Variants in KLB observed in about 807,000 individuals in gnomAD.
The protein encoded by KLB is klotho beta, also known as beta-klotho.
In KLB, 44 loss-of-function variants were observed where a neutral mutation model predicts 88.4. The ratio of observed to expected loss-of-function variants is 0.50; its 90% CI spans 0.39 to 0.64. The LOEUF (loss-of-function observed/expected upper bound fraction) is 0.64, where lower values mean the gene tolerates loss of function less well. Ranked by LOEUF, KLB falls within the 30% of genes least tolerant of loss-of-function variation. The probability of loss-of-function intolerance (pLI) is 0.00; values close to 1 mark genes in which losing one functional copy is unlikely to be tolerated. For missense variants in KLB, 1,137 were observed against 1,304.8 expected, an observed-to-expected ratio of 0.87 and a Z score of 1.98; for synonymous variants, 548 against 513.4, an observed-to-expected ratio of 1.07 and a Z score of -0.91.
chr4:39,417,344 C>T (rs1008754359), intron 1 of KLB, among the ~76,000 whole-genome samples: 2 of 152,030 alleles, frequency 1.3e-5, no homozygotes, highest in African/African-American at 2.4e-5. Flanking sequence ...GACGGAGTTT[C>T]GCTCTTGTTG....
intron 1 of KLB, among the ~76,000 whole-genome samples, chr4:39,413,890 T>C (rs1248121951): frequency 6.6e-6 from 1 of 152,186 alleles, no homozygotes; most frequent in Admixed American, 6.5e-5. Flanking sequence ...GTTTACATAG[T>C]ACAAAGATTT....
At chr4:39,443,249 A>G (rs1743652747) in intron 3 of KLB, among the ~76,000 whole-genome samples, 1 of 151,996 alleles carries the variant, frequency 6.6e-6, no homozygotes, top group African/African-American at 2.4e-5. Context: ...GTGGCTAGGC[A>G]CACTTGTTCA....
chr4:39,426,997 T>C (rs2109830085), intron 1 of KLB, among the ~76,000 whole-genome samples: 1 of 152,228 alleles, frequency 6.6e-6, no homozygotes, highest in Non-Finnish European at 1.5e-5. Flanking sequence ...TAAATATTTG[T>C]AGACTGCAGC....
intron 2 of KLB, among the ~76,000 whole-genome samples, chr4:39,435,506 A>G (rs535521480): frequency 6.7e-6 from 1 of 149,720 alleles, no homozygotes; most frequent in Admixed American, 6.7e-5. Context: ...GCTCACTGCA[A>G]CCTCCACCTC....
At position 39,447,423 on chromosome 4, in the gene KLB, T is replaced by A; in HGVS notation, c.2697T>A (p.Asp899Glu). 1 of 1,611,560 alleles carries A rather than the reference T, an allele frequency of 6.2e-7. No individual in the cohort carries two copies. Among genetic ancestry groups the A allele is most frequent in the Non-Finnish European group, 8.5e-7 (1 of 1,178,846 alleles). ...ASGIDDQALE[D>E]DRLRKYYLGK... Reference sequence around the variant, plus strand: ...GCATCGACGACCAGGCTCTGGAGGATGACCGGCTCCGGAAGTACTACCTAG... The same window carrying A: ...GCATCGACGACCAGGCTCTGGAGGAAGACCGGCTCCGGAAGTACTACCTAG... The change falls in exon 4 of 5, where the codon GAT becomes GAA. Residue 899 changes from aspartate (D) to glutamate (E), a missense_variant. By Grantham distance (45) the Asp-to-Glu change is conservative. Transcript: ENST00000257408.
intron 1 of KLB, among the ~76,000 whole-genome samples, chr4:39,409,573 G>A (rs974344697): frequency 6.6e-6 from 1 of 151,450 alleles, no homozygotes; most frequent in African/African-American, 2.4e-5. Context: ...ACAGGTGTGA[G>A]CCACTGCGCT....
chr4:39,431,064 G>A (rs549284992), intron 1 of KLB, among the ~76,000 whole-genome samples: 8 of 149,312 alleles, frequency 5.4e-5, no homozygotes, highest in South Asian at 4.3e-4. Flanking sequence ...CTACAGGCAC[G>A]TATCACCATG....
intron 1 of KLB, 93 bp from the exon 2 acceptor site, chr4:39,434,117 C>A: frequency 8.4e-7 from 1 of 1,197,576 alleles, no homozygotes; most frequent in Non-Finnish European, 1.2e-6. Flanking sequence ...CTGTACGCTG[C>A]ATTAATTTTA....
At chr4:39,435,516 C>G (rs1459524659) in intron 2 of KLB, among the ~76,000 whole-genome samples, 1 of 151,954 alleles carries the variant, frequency 6.6e-6, no homozygotes, top group African/African-American at 2.4e-5. Flanking sequence ...ACCTCCACCT[C>G]CCAGGTTCAA....
At chr4:39,441,788 A>AAAT (rs1013054737) in intron 3 of KLB, 1 of 151,256 alleles carries the variant, frequency 6.6e-6, no homozygotes, top group African/African-American at 2.4e-5. Flanking sequence ...ATAAATAAAT[A>AAAT]AATAAATAAA....
chr4:39,425,539 C>T (rs1430676534), intron 1 of KLB, among the ~76,000 whole-genome samples: 4 of 152,172 alleles, frequency 2.6e-5, no homozygotes, highest in Non-Finnish European at 4.4e-5. Context: ...CTGCTGGACT[C>T]AAGTGATCCT....
chr4:39,407,752 C>A lies in KLB; in HGVS notation c.803C>A (p.Thr268Asn), dbSNP rs762924599. The A allele has an allele frequency of 6.3e-7, 1 of 1,595,546 alleles. No homozygotes were observed. The highest frequency in any genetic ancestry group is 8.6e-7 in the Non-Finnish European group (1 of 1,165,924). ...AAGGGAAATTTAGCAGCTGTCTACA[C>A]TGTGGGACACAACTTGATCAAGGTA... The part of the protein sequence containing the change: ...GEKGNLAAVY[T>N]VGHNLIKAHS... Residue 268 changes from threonine to asparagine, a missense_variant, in exon 1 of 5, where the codon ACT becomes AAT. By Grantham distance (65) the Thr-to-Asn change is moderately conservative. Coordinates refer to ENST00000257408, the MANE Select transcript of KLB (RefSeq NM_175737.4).
intron 3 of KLB, among the ~76,000 whole-genome samples, chr4:39,445,504 CTTT>C (rs10634518): frequency 1.5e-5 from 2 of 131,710 alleles, no homozygotes; most frequent in African/African-American, 2.8e-5. Context: ...CTTTTCTTTT[CTTT>C]TTTTTTTTTT....
In KLB at chr4:39,447,359, G is replaced by A. The variant is rs760709974; in HGVS notation, c.2633G>A (p.Arg878Lys). The change falls in exon 4 of 5, where the codon AGG becomes AAG. Residue 878 changes from arginine (R) to lysine (K), a missense_variant. Physicochemically the swap from Arg to Lys is conservative, Grantham distance 26. Coordinates refer to ENST00000257408, the MANE Select transcript of KLB (RefSeq NM_175737.4). ...CGCAAGCTGCTGCGGTGGGTCCGGAGGAACTACGGCGACATGGACATTTAC... is the reference window on the plus strand; with the variant it reads ...CGCAAGCTGCTGCGGTGGGTCCGGAAGAACTACGGCGACATGGACATTTAC... ...GVRKLLRWVR[R>K]NYGDMDIYIT... is the part of the protein sequence containing the mutation. 3.1e-6 allele frequency: 5 copies of A among 1,613,888 alleles called. No homozygotes were observed. The highest frequency in any genetic ancestry group is 3.3e-5 in the Admixed American group (2 of 60,010).
At chr4:39,422,639 A>C (rs1372241775) in intron 1 of KLB, among the ~76,000 whole-genome samples, 1 of 152,038 alleles carries the variant, frequency 6.6e-6, no homozygotes, top group Non-Finnish European at 1.5e-5. Context: ...TCTTATTTCC[A>C]TTACTGTTCT....
chr4:39,424,693 G>A lies in KLB; in HGVS notation c.826-9517G>A, dbSNP rs984653656. Among the ~76,000 whole-genome samples, 40 of 148,586 alleles carry A rather than the reference G, an allele frequency of 2.7e-4. 1 individual carries two copies. The highest frequency in any genetic ancestry group is 9.1e-4 in the African/African-American group (35 of 38,304). On this transcript the variant is annotated intron_variant, in intron 1 of 4. Coordinates refer to ENST00000257408, the MANE Select transcript of KLB (RefSeq NM_175737.4). The stretch of plus-strand genomic sequence containing the variant: ...GTTGCCCAGGCTGGAGTGCAGTGGC[G>A]CTATCTCGGCTCACTGCAACCTTTG...
chr4:39,430,901 C>T (rs1035726682), intron 1 of KLB, among the ~76,000 whole-genome samples: 17 of 142,468 alleles, frequency 1.2e-4, no homozygotes, highest in African/African-American at 4.0e-4. Flanking sequence ...TGAGCCACTG[C>T]TCCCGGTTGG....
chr4:39,445,689 T>G (rs1216779617), intron 3 of KLB, among the ~76,000 whole-genome samples: 22 of 150,302 alleles, frequency 1.5e-4, no homozygotes, highest in East Asian at 1.2e-3. Flanking sequence ...TTTTTGTTTT[T>G]TTTTTTTTTT....
intron 1 of KLB, among the ~76,000 whole-genome samples, chr4:39,419,275 A>G (rs899122473): frequency 4.6e-5 from 7 of 152,216 alleles, no homozygotes; most frequent in Non-Finnish European, 1.0e-4. Flanking sequence ...TTGCGATCCT[A>G]TTTAAACAGC....
Sources: gnomAD v4.1 joint callset for allele counts (sites outside exome capture counted in the v4.1 genomes callset) on GRCh38, gnomAD v4.1.1 for gene constraint, MANE v1.5 for transcripts, NCBI Gene and HGNC (gene_info 2026-07-23, HGNC 2026-07-21) for gene names.